Variants in PCDHGA2 observed in about 807,000 individuals in gnomAD.
PCDHGA2 encodes the protein protocadherin gamma-A2.
PCDHGA2 carries 40 observed loss-of-function variants against 59.2 expected under a neutral mutation model. The observed-to-expected ratio is 0.68, with a 90% confidence interval of 0.52 to 0.88. The LOEUF is 0.88. Ranked by LOEUF, PCDHGA2 falls within the 40% of genes least tolerant of loss-of-function variation. The probability of loss-of-function intolerance (pLI) is 0.00; values close to 1 mark genes in which losing one functional copy is unlikely to be tolerated. For missense variants in PCDHGA2, 1,226 were observed against 1,204.0 expected, an observed-to-expected ratio of 1.02 and a Z score of -0.27; for synonymous variants, 560 against 526.0, an observed-to-expected ratio of 1.06 and a Z score of -0.89.
intron 1 of PCDHGA2, among the ~76,000 whole-genome samples, chr5:141,444,395 T>A (rs960583048): frequency 1.3e-5 from 2 of 151,996 alleles, no homozygotes; most frequent in Non-Finnish European, 2.9e-5. Context: ...AGTCTTGAAC[T>A]CCCAACCTCA....
In PCDHGA2 at chr5:141,339,576, G is replaced by T. The variant is rs1389707234; in HGVS notation, c.605G>T (p.Arg202Leu). The T allele has an allele frequency of 6.8e-6, 11 of 1,614,176 alleles. No individual in the cohort carries two copies. Among genetic ancestry groups the T allele is most frequent in the East Asian group, 6.7e-5 (3 of 44,870 alleles). The change falls in exon 1 of 4, where the codon CGC (arginine) becomes CTC (leucine). Residue 202 changes from arginine to leucine, a missense_variant. Transcript: ENST00000394576. ...CTGGTGCTGGAGCGCTCTCTGGACC[G>T]CGAGGAAGAGGCTGTTCACCACCTC... ...PELVLERSLD[R>L]EEEAVHHLVL...
intron 1 of PCDHGA2, chr5:141,413,247 C>T (rs1168509242): frequency 1.2e-6 from 2 of 1,613,822 alleles, no homozygotes; most frequent in African/African-American, 2.7e-5. Flanking sequence ...GCCTTTTCTT[C>T]GGGATTCCAT....
At chr5:141,374,562 C>T in intron 1 of PCDHGA2, 2 of 1,613,702 alleles carry the variant, frequency 1.2e-6, no homozygotes, top group Non-Finnish European at 1.7e-6. Flanking sequence ...GTCTATGACC[C>T]TGATGTGGGA....
intron 1 of PCDHGA2, among the ~76,000 whole-genome samples, chr5:141,386,748 G>T (rs1033565005): frequency 6.6e-6 from 1 of 152,190 alleles, no homozygotes; most frequent in African/African-American, 2.4e-5. Flanking sequence ...TCCTATGGCA[G>T]AACTACGGTT....
chr5:141,344,968 C>T lies in PCDHGA2; in HGVS notation c.2424+3573C>T, dbSNP rs761849653. ...TTAAAAAGTCTAGATTATGAGGATG[C>T]CATGTTCTATGAAATTAAAATTGAA... is the stretch of plus-strand genomic sequence containing the variant. On this transcript the variant is annotated intron_variant, in intron 1 of 3. Coordinates refer to ENST00000394576, the MANE Select transcript of PCDHGA2 (RefSeq NM_018915.4). 3.1e-6 allele frequency: 5 copies of T among 1,613,558 alleles called. No homozygotes were observed. In the South Asian group the frequency reaches 4.4e-5, roughly 14 times the overall value.
intron 1 of PCDHGA2, chr5:141,361,654 G>C (rs779307225): frequency 6.2e-7 from 1 of 1,613,782 alleles, no homozygotes; most frequent in Non-Finnish European, 8.5e-7. Flanking sequence ...CTACGTGTCC[G>C]TGAGCGCGCA....
intron 1 of PCDHGA2, chr5:141,345,344 C>A: frequency 6.2e-7 from 1 of 1,614,076 alleles, no homozygotes; most frequent in Non-Finnish European, 8.5e-7. Flanking sequence ...CAGAAACTCA[C>A]ATCACCCTGC....
intron 1 of PCDHGA2, among the ~76,000 whole-genome samples, chr5:141,425,428 T>C (rs1037803701): frequency 1.3e-5 from 2 of 152,238 alleles, no homozygotes; most frequent in African/African-American, 4.8e-5. Context: ...TCCCATTAAA[T>C]AGAGGATAAA....
intron 2 of PCDHGA2, among the ~76,000 whole-genome samples, chr5:141,496,744 T>C (rs1383447795): frequency 6.6e-6 from 1 of 152,170 alleles, no homozygotes; most frequent in Non-Finnish European, 1.5e-5. Context: ...GTTCATTTAT[T>C]CAACAAATAT....
intron 1 of PCDHGA2, among the ~76,000 whole-genome samples, chr5:141,447,233 G>A (rs565398752): frequency 2.6e-5 from 4 of 152,028 alleles, no homozygotes; most frequent in Non-Finnish European, 4.4e-5. Flanking sequence ...TCCGCCTCCC[G>A]GGTTCAAGTG....
At chr5:141,422,566 A>G (rs2096656660) in intron 1 of PCDHGA2, 1 of 1,614,020 alleles carries the variant, frequency 6.2e-7, no homozygotes, top group Non-Finnish European at 8.5e-7. Flanking sequence ...GGCAGATGAC[A>G]ACGATAACCC....
chr5:141,482,514 G>A (rs2099563611), intron 1 of PCDHGA2, among the ~76,000 whole-genome samples: 1 of 130,122 alleles, frequency 7.7e-6, no homozygotes. Flanking sequence ...CCAGAGTACA[G>A]TATGAGACAG....
chr5:141,356,851 T>C, intron 1 of PCDHGA2: 5 of 1,614,208 alleles, frequency 3.1e-6, no homozygotes, highest in Non-Finnish European at 4.2e-6. Context: ...ACTGAGCCTC[T>C]TTGTGCTGGA....
chr5:141,341,266 G>A lies in PCDHGA2; in HGVS notation c.2295G>A (p.Lys765=), dbSNP rs1757039883. The A allele has an allele frequency of 6.2e-7, 1 of 1,614,232 alleles. No individual in the cohort carries two copies. Among genetic ancestry groups the A allele is most frequent in the African/African-American group, 1.3e-5 (1 of 75,064 alleles). ...HEVSLTADSR[K]SHLIFPQPNY... is the part of the protein sequence containing the mutation. ...TCTCCCTCACTGCGGACTCGCGGAAGAGCCACCTGATTTTCCCCCAGCCCA... is the reference window on the plus strand; with the variant it reads ...TCTCCCTCACTGCGGACTCGCGGAAAAGCCACCTGATTTTCCCCCAGCCCA... The change falls in exon 1 of 4, where the codon AAG becomes AAA. Residue 765 remains lysine (K), a synonymous_variant. Coordinates refer to ENST00000394576, the MANE Select transcript of PCDHGA2 (RefSeq NM_018915.4).
rs745872219 is a variant in PCDHGA2 at position 141,339,903 on chromosome 5, A to G, written c.932A>G (p.Asp311Gly). 1 of 1,614,174 alleles carries G rather than the reference A, an allele frequency of 6.2e-7. No homozygotes were observed. The highest frequency in any genetic ancestry group is 1.3e-5 in the African/African-American group (1 of 75,050). ...LTIIKDLDYE[D>G]ATFHEIDIEA... is the part of the protein sequence containing the mutation. ...ATCATAAAAGATCTAGATTATGAGG[A>G]TGCTACATTCCATGAAATTGATATT... Residue 311 changes from aspartate (D) to glycine (G), a missense_variant, in exon 1 of 4, where the codon GAT becomes GGT. Coordinates refer to ENST00000394576, the MANE Select transcript of PCDHGA2 (RefSeq NM_018915.4).
intron 1 of PCDHGA2, chr5:141,411,225 GC>G (rs1253575140): frequency 1.3e-5 from 2 of 152,092 alleles, no homozygotes; most frequent in African/African-American, 4.8e-5. Flanking sequence ...ATTCAAATTT[GC>G]GAAGACTTAG....
chr5:141,352,148 G>C (rs777837262), intron 1 of PCDHGA2: 3 of 1,612,454 alleles, frequency 1.9e-6, no homozygotes, highest in Non-Finnish European at 1.7e-6. Flanking sequence ...TGCCTTGGGC[G>C]ACAGGGACGC....
chr5:141,502,084 G>A (rs1438350526), intron 2 of PCDHGA2, among the ~76,000 whole-genome samples: 1 of 152,154 alleles, frequency 6.6e-6, no homozygotes, highest in African/African-American at 2.4e-5. Context: ...CTGGGGCTGA[G>A]AACACCTGGC....
intron 1 of PCDHGA2, chr5:141,395,935 A>T (rs950567838): frequency 6.6e-6 from 1 of 152,118 alleles, no homozygotes; most frequent in Non-Finnish European, 1.5e-5. Context: ...TAGAATGTCC[A>T]TTGCTCCCCC....
Sources: gnomAD v4.1 joint callset for allele counts (sites outside exome capture counted in the v4.1 genomes callset) on GRCh38, gnomAD v4.1.1 for gene constraint, MANE v1.5 for transcripts, NCBI Gene and HGNC (gene_info 2026-07-23, HGNC 2026-07-21) for gene names.